Variants in TRPM1 observed in about 807,000 individuals in gnomAD.
The protein encoded by TRPM1 is transient receptor potential cation channel subfamily M member 1.
TRPM1 carries 113 observed loss-of-function variants against 149.4 expected under a neutral mutation model. The ratio of observed to expected loss-of-function variants is 0.76; its 90% confidence interval spans 0.65 to 0.88. The LOEUF (loss-of-function observed/expected upper bound fraction) is 0.88, where lower values mean the gene tolerates loss of function less well. Ranked by LOEUF, TRPM1 falls within the 40% of genes least tolerant of loss-of-function variation. The pLI is 0.00. For synonymous variants in TRPM1, 741 were observed against 759.5 expected (o/e 0.98, Z 0.40); for missense variants, 1,976 against 2,038.7 (o/e 0.97, Z 0.59).
At chr15:31,131,494 G>A (rs112068742) in intron 1 of TRPM1, among the ~76,000 whole-genome samples, 2 of 152,110 alleles carry the variant, frequency 1.3e-5, no homozygotes, top group Non-Finnish European at 2.9e-5. Flanking sequence ...CCAAAGTTTC[G>A]GCCACCATGT....
At chr15:31,004,167 C>T (rs746744174) in intron 27 of TRPM1, among the ~76,000 whole-genome samples, 17 of 152,122 alleles carry the variant, frequency 1.1e-4, no homozygotes, top group Non-Finnish European at 2.1e-4. Context: ...TTCTTAAAAA[C>T]ATAGGGAGAC....
rs201065777 is a variant in TRPM1, at chr15:31,042,013, G to A, written c.2025C>T (p.Ala675=). Residue 675 remains alanine, a synonymous_variant, in exon 17 of 28, where the codon GCC becomes GCT. Coordinates refer to ENST00000256552, the MANE Select transcript of TRPM1 (RefSeq NM_001252024.2). The stretch of plus-strand genomic sequence containing the variant: ...CCAGATCACTCTCGGAGGACTCGTG[G>A]GCCATGGCCTTGTAGAGCTTGCAGG... The part of the protein sequence containing the change: ...LVACKLYKAM[A]HESSESDLVD... The A allele has an allele frequency of 1.5e-4, 243 of 1,613,986 alleles. No individual in the cohort carries two copies. The highest frequency in any genetic ancestry group is 1.9e-4 in the Non-Finnish European group (225 of 1,180,022).
intron 1 of TRPM1, among the ~76,000 whole-genome samples, chr15:31,134,550 A>G (rs2036063108): frequency 6.6e-6 from 1 of 152,234 alleles, no homozygotes; most frequent in South Asian, 2.1e-4. Flanking sequence ...AGAAGGCACC[A>G]ACTTCAATCT....
intron 1 of TRPM1, among the ~76,000 whole-genome samples, chr15:31,099,214 C>T (rs915456985): frequency 6.6e-6 from 1 of 152,108 alleles, no homozygotes; most frequent in Non-Finnish European, 1.5e-5. Flanking sequence ...GATACTGACC[C>T]ATCAGATATG....
chr15:31,113,847 C>G (rs1174042777), intron 1 of TRPM1, among the ~76,000 whole-genome samples: 2 of 152,148 alleles, frequency 1.3e-5, no homozygotes, highest in Middle Eastern at 3.2e-3. Flanking sequence ...AGCAAAACAA[C>G]GACGCTCCCA....
chr15:31,034,272 G>C (rs911231113), intron 21 of TRPM1, among the ~76,000 whole-genome samples: 1 of 152,172 alleles, frequency 6.6e-6, no homozygotes, highest in Non-Finnish European at 1.5e-5. Flanking sequence ...CTGGGATAAC[G>C]AGTCATATGT....
At chr15:31,081,254 G>A in intron 2 of TRPM1, 99 bp downstream of exon 2, 1 of 637,766 alleles carries the variant, frequency 1.6e-6, no homozygotes. Context: ...TGCTTCACTG[G>A]AAATCCGTCT....
At chr15:31,061,125 A>G (rs567236878) in intron 10 of TRPM1, among the ~76,000 whole-genome samples, 1 of 152,310 alleles carries the variant, frequency 6.6e-6, no homozygotes, top group South Asian at 2.1e-4. Context: ...ATTGGACAGA[A>G]CACTGCGGAA....
intron 12 of TRPM1, among the ~76,000 whole-genome samples, 200 bp downstream of exon 12, chr15:31,050,209 G>C (rs1043572436): frequency 1.3e-5 from 2 of 152,196 alleles, no homozygotes; most frequent in Non-Finnish European, 2.9e-5. Context: ...AAGCAGGAAC[G>C]TTTGGTGTTT....
At position 31,050,528 on chromosome 15, in the gene TRPM1, T is replaced by G; in HGVS notation, c.1318A>C (p.Lys440Gln). The G allele has an allele frequency of 6.2e-7, 1 of 1,614,100 alleles. No homozygotes were observed. The highest frequency in any genetic ancestry group is 8.5e-7 in the Non-Finnish European group (1 of 1,180,024). The part of the protein sequence containing the change: ...TDSKATEKEK[K>Q]PPMATTKGGR... The stretch of plus-strand genomic sequence containing the variant: ...CCCTTGGTGGTGGCCATGGGTGGCT[T>G]CTTCTCCTTCTCCGTGGCTTTGCTG... Residue 440 changes from lysine to glutamine, a missense_variant, in exon 12 of 28, where the codon AAG becomes CAG. Lys to Gln is a moderately conservative substitution (Grantham distance 53). Around this residue, in one of 3 missense-constraint regions of TRPM1, gnomAD observed 1,332 missense variants for 1,347.1 expected, o/e 0.99. Coordinates refer to ENST00000256552, the MANE Select transcript of TRPM1 (RefSeq NM_001252024.2).
At chr15:31,090,164 A>G (rs1166722828) in intron 1 of TRPM1, among the ~76,000 whole-genome samples, 3 of 152,264 alleles carry the variant, frequency 2.0e-5, no homozygotes, top group Non-Finnish European at 4.4e-5. Flanking sequence ...GGTTCTCAGC[A>G]CACATGCTCT....
chr15:31,090,026 A>T (rs189105256), intron 1 of TRPM1, among the ~76,000 whole-genome samples: 6 of 152,194 alleles, frequency 3.9e-5, no homozygotes, highest in Non-Finnish European at 7.3e-5. Context: ...TATGTGCTCA[A>T]TGGAACAAAT....
chr15:31,089,769 C>T (rs1036371918), intron 1 of TRPM1, among the ~76,000 whole-genome samples: 5 of 152,154 alleles, frequency 3.3e-5, no homozygotes, highest in African/African-American at 9.7e-5. Context: ...GTATCATTTT[C>T]CTCAACATGG....
intron 1 of TRPM1, among the ~76,000 whole-genome samples, chr15:31,108,604 C>T (rs934905339): frequency 5.3e-5 from 8 of 152,204 alleles, no homozygotes; most frequent in East Asian, 1.9e-4. Flanking sequence ...AGTGATTCTC[C>T]GGCCTCAGCC....
chr15:31,099,263 T>C (rs1037381186), intron 1 of TRPM1, among the ~76,000 whole-genome samples: 2 of 152,196 alleles, frequency 1.3e-5, no homozygotes, highest in Admixed American at 6.5e-5. Context: ...CTCTTGCTAC[T>C]GTCTACTTAA....
At chr15:31,076,210 A>G (rs559635358) in intron 3 of TRPM1, among the ~76,000 whole-genome samples, 8 of 152,124 alleles carry the variant, frequency 5.3e-5, no homozygotes, top group African/African-American at 1.7e-4. Context: ...ATGTGGAGGG[A>G]CTGTGATTGC....
intron 1 of TRPM1, among the ~76,000 whole-genome samples, chr15:31,158,061 C>T (rs1389141556): frequency 2.0e-5 from 3 of 152,084 alleles, no homozygotes; most frequent in Non-Finnish European, 4.4e-5. Context: ...TTTCCTAGTA[C>T]TTCTTTAAGA....
intron 1 of TRPM1, among the ~76,000 whole-genome samples, chr15:31,107,072 T>A (rs1329450242): frequency 6.6e-6 from 1 of 152,222 alleles, no homozygotes; most frequent in Admixed American, 6.5e-5. Flanking sequence ...CCTCATAAAA[T>A]GAGTTGGGCA....
intron 4 of TRPM1, chr15:31,069,632 A>C: frequency 7.6e-7 from 1 of 1,322,994 alleles, no homozygotes. Context: ...GGCCCAGGGA[A>C]GCTGTGGACA....
Sources: gnomAD v4.1 joint callset for allele counts (sites outside exome capture counted in the v4.1 genomes callset) on GRCh38, gnomAD v4.1.1 for gene constraint, gnomAD v4.1.1 regional missense constraint, MANE v1.5 for transcripts, NCBI Gene and HGNC (gene_info 2026-07-23, HGNC 2026-07-21) for gene names.